RAB38: variants seen among roughly 807,000 people sequenced by gnomAD.
The protein encoded by RAB38 is RAB38, member RAS oncogene family, also known as ras-related protein Rab-38.
In RAB38, 15 loss-of-function variants were observed where a neutral mutation model predicts 18.4. The observed-to-expected ratio is 0.82, with a 90% CI of 0.55 to 1.26. The LOEUF (loss-of-function observed/expected upper bound fraction) is 1.26. RAB38 is among the 50% of genes most tolerant of loss of function. RAB38 has a pLI of 0.00. For synonymous variants in RAB38, 101 were observed against 104.4 expected, an observed-to-expected ratio of 0.97 and a Z score of 0.20; for missense variants, 294 against 267.4, an observed-to-expected ratio of 1.10 and a Z score of -0.69.
the RAB38 span, among the ~76,000 whole-genome samples, chr11:88,022,117 G>C: frequency 6.6e-6 from 1 of 151,974 alleles, no homozygotes; most frequent in Non-Finnish European, 1.5e-5. Context: ...CTAGCAAACA[G>C]AATTCAACAA....
At chr11:88,015,081 T>C in the RAB38 span, among the ~76,000 whole-genome samples, 1 of 151,974 alleles carries the variant, frequency 6.6e-6, no homozygotes, top group Non-Finnish European at 1.5e-5. Context: ...TTTTTTCAGT[T>C]ATAAAATCTC....
intron 2 of RAB38, among the ~76,000 whole-genome samples, chr11:88,128,323 T>C (rs929142497): frequency 2.0e-5 from 3 of 152,232 alleles, no homozygotes; most frequent in Non-Finnish European, 4.4e-5. Context: ...GTAGTTAAAC[T>C]TGTGGGAGAG....
At chr11:87,977,597 G>T in the RAB38 span, among the ~76,000 whole-genome samples, 1 of 114,380 alleles carries the variant, frequency 8.7e-6, no homozygotes, top group African/African-American at 3.5e-5. Flanking sequence ...TAATAATTAT[G>T]TACTATACAA....
the RAB38 span, among the ~76,000 whole-genome samples, chr11:87,963,275 C>A: frequency 1.3e-5 from 2 of 152,122 alleles, no homozygotes; most frequent in African/African-American, 4.8e-5. Context: ...TGTTTAGGTG[C>A]TTCTTTGATC....
the RAB38 span, among the ~76,000 whole-genome samples, chr11:88,040,590 G>A: frequency 7.2e-5 from 11 of 152,012 alleles, no homozygotes; most frequent in South Asian, 6.2e-4. Flanking sequence ...CTGTAGTCCC[G>A]CATAGTCCAA....
the RAB38 span, among the ~76,000 whole-genome samples, chr11:87,818,669 T>A: frequency 6.6e-6 from 1 of 152,172 alleles, no homozygotes; most frequent in Non-Finnish European, 1.5e-5. Flanking sequence ...ACTTACAAAC[T>A]ATAAGTGACA....
the RAB38 span, among the ~76,000 whole-genome samples, chr11:87,909,254 T>A: frequency 6.6e-6 from 1 of 152,066 alleles, no homozygotes; most frequent in African/African-American, 2.4e-5. Context: ...TACTAGTCAA[T>A]GTAAGTACAA....
At chr11:87,961,742 C>T in the RAB38 span, among the ~76,000 whole-genome samples, 1 of 152,180 alleles carries the variant, frequency 6.6e-6, no homozygotes, top group Non-Finnish European at 1.5e-5. Flanking sequence ...TGAAGAAGCA[C>T]TGTTGGGTAG....
At chr11:88,133,803 C>G (rs2134799604) in intron 2 of RAB38, among the ~76,000 whole-genome samples, 1 of 152,314 alleles carries the variant, frequency 6.6e-6, no homozygotes, top group East Asian at 1.9e-4. Context: ...AGTGAAAAGT[C>G]AGGCTACTCA....
the RAB38 span, among the ~76,000 whole-genome samples, chr11:87,893,474 G>A: frequency 1.3e-5 from 2 of 148,328 alleles, no homozygotes; most frequent in African/African-American, 4.9e-5. Flanking sequence ...CAGGAGGAAG[G>A]AAGATGCTTT....
the RAB38 span, among the ~76,000 whole-genome samples, chr11:88,027,976 C>A: frequency 3.3e-5 from 5 of 152,304 alleles, no homozygotes; most frequent in South Asian, 1.0e-3. Context: ...GGGAGGCACC[C>A]CCCAGCAGGG....
chr11:88,059,975 C>T, the RAB38 span, among the ~76,000 whole-genome samples: 1 of 152,172 alleles, frequency 6.6e-6, no homozygotes, highest in Admixed American at 6.5e-5. Context: ...AAAAGTAAGT[C>T]TTTGTGATTC....
At chr11:87,862,374 G>T in the RAB38 span, among the ~76,000 whole-genome samples, 2 of 151,834 alleles carry the variant, frequency 1.3e-5, no homozygotes, top group Non-Finnish European at 2.9e-5. Context: ...ATGGATGGGG[G>T]TGGAGGCCGT....
the RAB38 span, among the ~76,000 whole-genome samples, chr11:88,020,936 G>A: frequency 6.6e-6 from 1 of 151,922 alleles, no homozygotes; most frequent in Non-Finnish European, 1.5e-5. Flanking sequence ...AAACCTAAGA[G>A]ATACAACAAA....
the RAB38 span, among the ~76,000 whole-genome samples, chr11:87,928,047 C>T: frequency 1.3e-4 from 19 of 151,878 alleles, no homozygotes; most frequent in Admixed American, 2.6e-4. Flanking sequence ...CACTGCATTC[C>T]AGCCTATGCA....
the RAB38 span, among the ~76,000 whole-genome samples, chr11:87,964,980 G>C: frequency 2.0e-5 from 3 of 152,132 alleles, no homozygotes; most frequent in Admixed American, 2.0e-4. Flanking sequence ...CTACGGCAGA[G>C]TTTCTCTGCC....
chr11:87,833,241 C>T, the RAB38 span, among the ~76,000 whole-genome samples: 3 of 152,100 alleles, frequency 2.0e-5, no homozygotes, highest in African/African-American at 4.8e-5. Flanking sequence ...CTTCTTTAGC[C>T]TTTTTTTGTT....
At chr11:87,823,198 A>C in the RAB38 span, among the ~76,000 whole-genome samples, 1,811 of 152,276 alleles carry the variant, frequency 0.012, 17 homozygotes, top group East Asian at 0.039. Flanking sequence ...ACTCATGTGA[A>C]AGATTTACAA....
At chr11:87,977,776 TA>T in the RAB38 span, among the ~76,000 whole-genome samples, 1 of 112,904 alleles carries the variant, frequency 8.9e-6, no homozygotes, top group South Asian at 2.9e-4. Flanking sequence ...TATAGTTATA[TA>T]TTATATCATA....
Sources: allele counts gnomAD v4.1 joint callset (sites outside exome capture counted in the v4.1 genomes callset), GRCh38; gene constraint gnomAD v4.1.1; transcripts MANE v1.5; gene names NCBI Gene and HGNC (gene_info 2026-07-23, HGNC 2026-07-21).